CCDC80: variants seen among roughly 807,000 people sequenced by gnomAD.
The protein encoded by CCDC80 is coiled-coil domain containing 80, also known as coiled-coil domain-containing protein 80.
A neutral mutation model predicts 78.7 loss-of-function variants in CCDC80; 49 were observed. The ratio of observed to expected loss-of-function variants is 0.62; its 90% CI spans 0.50 to 0.79. CCDC80 has a LOEUF of 0.79. Among genes scored for constraint, CCDC80 ranks in the 30% least tolerant of loss-of-function variants. The probability of loss-of-function intolerance (pLI) is 0.00; values close to 1 mark genes in which losing one functional copy is unlikely to be tolerated. For missense variants in CCDC80, 1,205 were observed against 1,198.6 expected (o/e 1.01, Z -0.08); for synonymous variants, 488 against 447.0 (o/e 1.09, Z -1.16).
rs1327342780 is a variant in CCDC80 at position 112,599,609 on chromosome 3, A to G, written c.*5808T>C. 6.6e-6 allele frequency: 1 copy of G among 152,270 alleles called. No individual in the cohort carries two copies. The highest frequency in any genetic ancestry group is 2.1e-4 in the South Asian group (1 of 4,830). 9.4% of individuals were successfully genotyped at this position (152,270 alleles called of 1,614,324 possible). ...ATTTTTCTACAATCTCCACACATTCAGTACTGAGACACATTAAGAAGGGCC... is the reference window on the plus strand; with the variant it reads ...ATTTTTCTACAATCTCCACACATTCGGTACTGAGACACATTAAGAAGGGCC... On this transcript the variant is annotated 3_prime_UTR_variant, in exon 8 of 8. Coordinates refer to ENST00000206423, the MANE Select transcript of CCDC80 (RefSeq NM_199511.3).
At chr3:112,635,418 T>C (rs1936187233) in intron 2 of CCDC80, among the ~76,000 whole-genome samples, 1 of 152,214 alleles carries the variant, frequency 6.6e-6, no homozygotes, top group Non-Finnish European at 1.5e-5. Flanking sequence ...TAATGAATAG[T>C]AATTGAATCA....
Position 112,617,682 on chromosome 3 carries a change from A to G in CCDC80, c.2173-824T>C, listed in dbSNP as rs1242038864. The stretch of plus-strand genomic sequence containing the variant: ...AAATATGTTGCATGTTGGGTCAGCT[A>G]TTCTGATAGCATAGACAGCCTTTTT... On this transcript the variant is annotated intron_variant, in intron 4 of 7. Transcript: ENST00000206423. Among the ~76,000 whole-genome samples the G allele has an allele frequency of 2.0e-5, 3 of 152,384 alleles. No individual in the cohort carries two copies. In the East Asian group the frequency reaches 5.8e-4, roughly 29 times the overall value.
rs1576784686 is a variant in CCDC80 at position 112,616,741 on chromosome 3, T to C, written c.2290A>G (p.Lys764Glu). 1 of 1,614,218 alleles carries C rather than the reference T, an allele frequency of 6.2e-7. No homozygotes were observed. Among genetic ancestry groups the C allele is most frequent in the Non-Finnish European group, 8.5e-7 (1 of 1,180,012 alleles). ...KKEGIVCKED[K>E]KQSLENFLSR... ...AGGAAGTTCTCCAGGGACTGCTTTT[T>C]GTCCTCTTTGCAAACAATGCCCTCC... The change falls in exon 5 of 8, where the codon AAA becomes GAA. Residue 764 changes from lysine to glutamate, a missense_variant. Transcript: ENST00000206423.
At chr3:112,613,225 TAAG>T (rs2107475201) in intron 5 of CCDC80, among the ~76,000 whole-genome samples, 1 of 152,322 alleles carries the variant, frequency 6.6e-6, no homozygotes, top group Admixed American at 6.5e-5. Context: ...GCTTGTGCCT[TAAG>T]TAGTACACTA....
At chr3:112,607,533 T>C (rs1935538927) in intron 6 of CCDC80, among the ~76,000 whole-genome samples, 1 of 152,138 alleles carries the variant, frequency 6.6e-6, no homozygotes, top group East Asian at 1.9e-4. Flanking sequence ...ATGCCTGTAA[T>C]CCCAGCACTT....
rs772559384 is a variant in CCDC80 at position 112,639,268 on chromosome 3, G to A, written c.638C>T (p.Pro213Leu). The change falls in exon 2 of 8, where the codon CCC becomes CTC. Residue 213 changes from proline (P) to leucine (L), a missense_variant. By Grantham distance (98) the Pro-to-Leu change is moderately conservative. Coordinates refer to ENST00000206423, the MANE Select transcript of CCDC80 (RefSeq NM_199511.3). Reference protein sequence around the residue: ...ITSEGQILEQPLDPSLIPKLM... With the variant: ...ITSEGQILEQLLDPSLIPKLM... ...CTTAGGGATGAGGCTAGGGTCCAGG[G>A]GCTGCTCCAGGATCTGGCCCTCGCT... 58 of 1,613,986 alleles carry A rather than the reference G, an allele frequency of 3.6e-5. No individual in the cohort carries two copies. The Admixed American group carries it at 4.2e-4, about 12-fold the overall frequency.
intron 3 of CCDC80, among the ~76,000 whole-genome samples, chr3:112,625,489 G>A (rs1935948261): frequency 6.6e-6 from 1 of 152,130 alleles, no homozygotes; most frequent in Non-Finnish European, 1.5e-5. Context: ...ATATGTGTAA[G>A]AACAAAATAT....
rs57508894 is a variant in CCDC80 at position 112,622,080 on chromosome 3, G to A, written c.2036-2976C>T. 3.7e-3 allele frequency among the ~76,000 whole-genome samples: 560 copies of A among 152,250 alleles called. 5 individuals are homozygous for A. The highest frequency in any genetic ancestry group is 0.013 in the African/African-American group (530 of 41,518). On this transcript the variant is annotated intron_variant, in intron 3 of 7. Coordinates refer to ENST00000206423, the MANE Select transcript of CCDC80 (RefSeq NM_199511.3). ...CAGGTTAATGATAGAGTGAGGTTAG[G>A]ACTCAGGTGACATTACCTCACTCCC...
At chr3:112,616,434 GA>G (rs138795484) in intron 5 of CCDC80, among the ~76,000 whole-genome samples, 2 of 35,958 alleles carry the variant, frequency 5.6e-5, no homozygotes, top group African/African-American at 8.3e-5. Flanking sequence ...CAAAGAAAGA[GA>G]AAAAAAAAGA....
chr3:112,638,777 T>A lies in CCDC80; in HGVS notation c.1129A>T (p.Thr377Ser). 1 of 1,613,638 alleles carries A rather than the reference T, an allele frequency of 6.2e-7. No homozygotes were observed. The highest frequency in any genetic ancestry group is 8.5e-7 in the Non-Finnish European group (1 of 1,179,962). ...TGCGTGGTGGGAAAGGCAGTGGTGG[T>A]CATAGGTCTTGCAGCAACTGTTACC... ...RAVTVAARPM[T>S]TTAFPTTQRP... The change falls in exon 2 of 8, where the codon ACC (threonine) becomes TCC (serine). Residue 377 changes from threonine (T) to serine (S), a missense_variant. By Grantham distance (58) the Thr-to-Ser change is moderately conservative (BLOSUM62 1). Coordinates refer to ENST00000206423, the MANE Select transcript of CCDC80 (RefSeq NM_199511.3).
rs116833731 is a variant in CCDC80, at chr3:112,633,834, C to A, written c.1879-3565G>T. 7.6e-3 allele frequency among the ~76,000 whole-genome samples: 1,160 copies of A among 152,296 alleles called. 9 individuals are homozygous for A. Among genetic ancestry groups the A allele is most frequent in the Non-Finnish European group, 0.01 (686 of 68,022 alleles). ...TTTCAGACAGTGTTTAAAATGAGAA[C>A]CATTTCCAGTCCCCTCTTCCTAAAA... On this transcript the variant is annotated intron_variant, in intron 2 of 7. Coordinates refer to ENST00000206423, the MANE Select transcript of CCDC80 (RefSeq NM_199511.3).
Position 112,640,513 on chromosome 3 carries a change from C to T in CCDC80, c.-198G>A, listed in dbSNP as rs930513411. 3.2e-5 allele frequency: 5 copies of T among 153,946 alleles called. No homozygotes were observed. Among genetic ancestry groups the T allele is most frequent in the African/African-American group, 9.7e-5 (4 of 41,432 alleles). The allele number at this position is 153,946 out of a possible 1,614,324, so 9.5% of individuals were successfully genotyped here. On this transcript the variant is annotated 5_prime_UTR_variant, in exon 1 of 8. Coordinates refer to ENST00000206423, the MANE Select transcript of CCDC80 (RefSeq NM_199511.3). ...TACCGCCACAGATCCACAGCCTGTC[C>T]TGATCTGAGAGCTGAGCCGATGCCT...
intron 7 of CCDC80, among the ~76,000 whole-genome samples, 157 bp from the exon 8 acceptor site, chr3:112,605,920 C>T (rs1365314078): frequency 6.6e-6 from 1 of 152,172 alleles, no homozygotes; most frequent in Non-Finnish European, 1.5e-5. Flanking sequence ...GGGGCTTTTT[C>T]TACTAGAAAT....
chr3:112,622,610 G>A (rs1184865867), intron 3 of CCDC80, among the ~76,000 whole-genome samples: 1 of 152,128 alleles, frequency 6.6e-6, no homozygotes, highest in East Asian at 1.9e-4. Flanking sequence ...ACTAATGATT[G>A]TAAGGATTAC....
rs1332404334 is a variant in CCDC80 at position 112,605,077 on chromosome 3, CA to C, written c.*339del. The C allele has an allele frequency of 1.7e-4, 30 of 174,414 alleles. No individual in the cohort carries two copies. The highest frequency in any genetic ancestry group is 6.8e-4 in the African/African-American group (29 of 42,424). 10.8% of individuals were successfully genotyped at this position (174,414 alleles called of 1,614,324 possible). On this transcript the variant is annotated 3_prime_UTR_variant, in exon 8 of 8. Coordinates refer to ENST00000206423, the MANE Select transcript of CCDC80 (RefSeq NM_199511.3). ...CAGAGTTTTCACTTACCAATTAATA[CA>C]AAAAATAAGAAAAAGCTTTAAATAC...
At position 112,607,274 on chromosome 3, in the gene CCDC80, A is replaced by G. The variant is rs72942074; in HGVS notation, c.2426-18T>C. 2,752 of 1,597,014 alleles carry G rather than the reference A, an allele frequency of 1.7e-3. 30 individuals carry two copies. In the African/African-American group the frequency reaches 0.033, roughly 19 times the overall value. ...GCGCAGACCTGAGAGAAAAAAGAAA[A>G]CCATAGGATTAGAGGAAAGGATTAG... On this transcript the variant is annotated intron_variant, in intron 6 of 7. Transcript: ENST00000206423.
rs1936317711 is a variant in CCDC80, at chr3:112,640,397, C to T, written c.-82G>A. 1 of 159,078 alleles carries T rather than the reference C, an allele frequency of 6.3e-6. No homozygotes were observed. The highest frequency in any genetic ancestry group is 1.8e-4 in the South Asian group (1 of 5,616). 9.9% of individuals were successfully genotyped at this position (159,078 alleles called of 1,614,324 possible). ...AGAAGTTTGGTTCCCAGGACAGTTTCCTAGATGAACTACTTTTCCTCCCAG... is the reference window on the plus strand; with the variant it reads ...AGAAGTTTGGTTCCCAGGACAGTTTTCTAGATGAACTACTTTTCCTCCCAG... On this transcript the variant is annotated 5_prime_UTR_variant, in exon 1 of 8. Coordinates refer to ENST00000206423, the MANE Select transcript of CCDC80 (RefSeq NM_199511.3).
chr3:112,625,171 T>C (rs977772740), intron 3 of CCDC80, among the ~76,000 whole-genome samples: 2 of 152,166 alleles, frequency 1.3e-5, no homozygotes, highest in Non-Finnish European at 2.9e-5. Flanking sequence ...ACTCACAACA[T>C]GAGAAATGCA....
intron 2 of CCDC80, among the ~76,000 whole-genome samples, chr3:112,632,958 G>T (rs567843830): frequency 6.6e-6 from 1 of 152,112 alleles, no homozygotes; most frequent in African/African-American, 2.4e-5. Context: ...GGGCAGAGAG[G>T]CATAGAGAAA....
Sources: allele counts gnomAD v4.1 joint callset (sites outside exome capture counted in the v4.1 genomes callset), GRCh38; gene constraint gnomAD v4.1.1; transcripts MANE v1.5; gene names NCBI Gene and HGNC (gene_info 2026-07-23, HGNC 2026-07-21).